The following RASAL2 variants were observed in gnomAD, a reference collection of about 807,000 sequenced individuals.
The protein encoded by RASAL2 is RAS protein activator like 2, also known as ras GTPase-activating protein nGAP.
Under a neutral mutation model 128.9 loss-of-function variants are expected in RASAL2, and 58 were observed. That is an observed-to-expected ratio of 0.45 (90% CI 0.36 to 0.56). The LOEUF is 0.56. RASAL2 is among the 20% of genes least tolerant of loss of function. The pLI is 0.00. For missense variants in RASAL2, 1,360 were observed against 1,601.6 expected, an observed-to-expected ratio of 0.85 and a Z score of 2.57; for synonymous variants, 561 against 580.8, an observed-to-expected ratio of 0.97 and a Z score of 0.49.
At chr1:178,277,082 A>G (rs1201808751) in intron 1 of RASAL2, among the ~76,000 whole-genome samples, 1 of 140,348 alleles carries the variant, frequency 7.1e-6, no homozygotes, top group Non-Finnish European at 1.5e-5. Flanking sequence ...TGCGAGGCAG[A>G]GCTTGCCGTG....
intron 4 of RASAL2, among the ~76,000 whole-genome samples, chr1:178,406,069 C>T (rs947122651): frequency 5.3e-5 from 8 of 152,152 alleles, no homozygotes; most frequent in African/African-American, 1.4e-4. Context: ...GTTGCCATGT[C>T]GTCTTGTTAT....
chr1:178,317,471 C>A (rs2102321505), intron 3 of RASAL2, among the ~76,000 whole-genome samples: 2 of 149,482 alleles, frequency 1.3e-5, no homozygotes, highest in Admixed American at 1.3e-4. Flanking sequence ...AATTTCAGCT[C>A]CTGTTATTGG....
intron 1 of RASAL2, among the ~76,000 whole-genome samples, chr1:178,098,780 A>G (rs148024313): frequency 1.2e-3 from 177 of 152,342 alleles, no homozygotes; most frequent in African/African-American, 4.1e-3. Context: ...CAACATTATT[A>G]CCATTAAGCT....
intron 16 of RASAL2, 79 bp from the exon 17 acceptor site, chr1:178,467,255 G>T (rs1647815402): frequency 1.8e-6 from 2 of 1,095,530 alleles, no homozygotes; most frequent in Non-Finnish European, 2.8e-6. Flanking sequence ...AAGGGCAGAG[G>T]ATATTGAGTT....
At chr1:178,301,661 G>A (rs138549387) in intron 3 of RASAL2, among the ~76,000 whole-genome samples, 61 of 152,070 alleles carry the variant, frequency 4.0e-4, no homozygotes, top group African/African-American at 1.3e-3. Context: ...TCAAACTCCC[G>A]ACCACTGATG....
intron 1 of RASAL2, among the ~76,000 whole-genome samples, chr1:178,190,720 G>T (rs1200605925): frequency 8.2e-6 from 1 of 121,280 alleles, no homozygotes; most frequent in African/African-American, 3.2e-5. Context: ...ATTAAACTTT[G>T]TTGTAATTTC....
At chr1:178,290,133 C>T (rs1019734958) in intron 2 of RASAL2, among the ~76,000 whole-genome samples, 21 of 152,166 alleles carry the variant, frequency 1.4e-4, no homozygotes, top group African/African-American at 5.1e-4. Flanking sequence ...CTCTCATCTC[C>T]TACTGGAATA....
At chr1:178,113,511 AGTGTGTGTGTGTGTGTGTGTGTGT>A (rs61642582) in intron 1 of RASAL2, among the ~76,000 whole-genome samples, 21 of 122,268 alleles carry the variant, frequency 1.7e-4, no homozygotes, top group East Asian at 1.1e-3. Context: ...CATGCCTGCG[AGTGTGTGTGTGTGTGTGTGTGTGT>A]GTGTGTGTGT....
At chr1:178,261,831 G>A (rs764232257) in intron 1 of RASAL2, among the ~76,000 whole-genome samples, 1 of 151,580 alleles carries the variant, frequency 6.6e-6, no homozygotes, top group African/African-American at 2.4e-5. Flanking sequence ...GCAGAGAATT[G>A]CTTGAACCTG....
chr1:178,466,199 A>C, intron 16 of RASAL2, 77 bp downstream of exon 16: 1 of 1,406,334 alleles, frequency 7.1e-7, no homozygotes, highest in Non-Finnish European at 9.4e-7. Context: ...ACCCTGAAGG[A>C]ATGGCAGCAA....
At position 178,399,096 on chromosome 1, in the gene RASAL2, G is replaced by T. The variant is rs74131339; in HGVS notation, c.564+8890G>T. Among the ~76,000 whole-genome samples, 843 of 152,266 alleles carry T rather than the reference G, an allele frequency of 5.5e-3. 10 individuals carry two copies. The highest frequency in any genetic ancestry group is 0.019 in the African/African-American group (788 of 41,548). ...AATGGAGAATTCGTGGGGACCTTGGGCATGGTACCACCTCCTGCTGCCTCC... is the reference window on the plus strand; with the variant it reads ...AATGGAGAATTCGTGGGGACCTTGGTCATGGTACCACCTCCTGCTGCCTCC... On this transcript the variant is annotated intron_variant, in intron 4 of 17. Transcript: ENST00000367649.
intron 4 of RASAL2, among the ~76,000 whole-genome samples, chr1:178,390,719 A>G (rs1407860466): frequency 1.3e-5 from 2 of 152,164 alleles, no homozygotes; most frequent in Admixed American, 6.6e-5. Flanking sequence ...GTTTTAGGGA[A>G]TATTATTTTT....
At chr1:178,398,737 A>C (rs574313964) in intron 4 of RASAL2, among the ~76,000 whole-genome samples, 10 of 152,190 alleles carry the variant, frequency 6.6e-5, no homozygotes, top group African/African-American at 1.9e-4. Context: ...AGTGCTGCAC[A>C]TTTCTTCAGT....
chr1:178,385,757 A>G (rs950414971), intron 3 of RASAL2, among the ~76,000 whole-genome samples: 4 of 151,902 alleles, frequency 2.6e-5, no homozygotes, highest in South Asian at 2.1e-4. Flanking sequence ...ACCTCCTACT[A>G]TTTGTTCCCA....
chr1:178,276,334 CT>C (rs1666509430), intron 1 of RASAL2, among the ~76,000 whole-genome samples: 1 of 152,090 alleles, frequency 6.6e-6, no homozygotes, highest in Non-Finnish European at 1.5e-5. Flanking sequence ...TAAAATTAAA[CT>C]TTACTTTAAG....
At chr1:178,130,594 A>G (rs962869294) in intron 1 of RASAL2, among the ~76,000 whole-genome samples, 10 of 152,212 alleles carry the variant, frequency 6.6e-5, no homozygotes, top group Non-Finnish European at 1.3e-4. Context: ...TAAGGAAGCC[A>G]TATGTAACGT....
At chr1:178,194,359 A>G (rs1357557610) in intron 1 of RASAL2, 1 of 225,486 alleles carries the variant, frequency 4.4e-6, no homozygotes, top group East Asian at 1.1e-4. Context: ...CTCTCTCCCC[A>G]TATCCAGCAA....
Position 178,476,159 on chromosome 1 carries a change from T to G in RASAL2, c.*2920T>G, listed in dbSNP as rs1215123047. 1.3e-5 allele frequency: 2 copies of G among 152,164 alleles called. No individual in the cohort carries two copies. The highest frequency in any genetic ancestry group is 2.9e-5 in the Non-Finnish European group (2 of 68,044). The allele number at this position is 152,164 out of a possible 1,614,324, so 9.4% of individuals were successfully genotyped here. ...TGTTTCCCTCAAAACAACACCACAT[T>G]GTGGGGCGCAGGATAGATCAGGGTT... On this transcript the variant is annotated 3_prime_UTR_variant, in exon 18 of 18. Coordinates refer to ENST00000367649, the MANE Select transcript of RASAL2 (RefSeq NM_170692.4).
chr1:178,306,232 A>AT (rs1015536919), intron 3 of RASAL2, among the ~76,000 whole-genome samples: 1 of 152,094 alleles, frequency 6.6e-6, no homozygotes, highest in Non-Finnish European at 1.5e-5. Flanking sequence ...TGAACTTATC[A>AT]TTTTTTATGG....
Sources: gnomAD v4.1 joint callset for allele counts (sites outside exome capture counted in the v4.1 genomes callset) on GRCh38, gnomAD v4.1.1 for gene constraint, MANE v1.5 for transcripts, NCBI Gene and HGNC (gene_info 2026-07-23, HGNC 2026-07-21) for gene names.